PTPRG: variants seen among roughly 807,000 people sequenced by gnomAD.
PTPRG encodes protein tyrosine phosphatase receptor type G.
Under a neutral mutation model 165.3 loss-of-function variants are expected in PTPRG, and 102 were observed. That is an observed-to-expected ratio of 0.62 (90% confidence interval 0.53 to 0.73). The LOEUF (loss-of-function observed/expected upper bound fraction) is 0.73, where lower values mean the gene tolerates loss of function less well. Ranked by LOEUF, PTPRG falls within the 30% of genes least tolerant of loss-of-function variation. PTPRG has a pLI of 0.00. For synonymous variants in PTPRG, 675 were observed against 669.5 expected, an observed-to-expected ratio of 1.01 and a Z score of -0.13; for missense variants, 1,866 against 1,861.4, an observed-to-expected ratio of 1.00 and a Z score of -0.05.
intron 2 of PTPRG, among the ~76,000 whole-genome samples, chr3:61,942,445 C>T (rs1468693751): frequency 6.6e-6 from 1 of 152,226 alleles, no homozygotes; most frequent in African/African-American, 2.4e-5. Flanking sequence ...GAGTGTACCC[C>T]ATGGCCCTTT....
intron 3 of PTPRG, among the ~76,000 whole-genome samples, chr3:61,993,589 A>G (rs2040950619): frequency 6.6e-6 from 1 of 152,172 alleles, no homozygotes; most frequent in South Asian, 2.1e-4. Flanking sequence ...TCTGTGCATT[A>G]TTTCTTACAA....
chr3:62,241,377 T>G (rs1355597836), intron 14 of PTPRG, among the ~76,000 whole-genome samples: 2 of 152,116 alleles, frequency 1.3e-5, no homozygotes, highest in Non-Finnish European at 2.9e-5. Context: ...TATATTTGTG[T>G]GGGAGGCAAG....
At chr3:62,101,255 A>G (rs939040194) in intron 5 of PTPRG, among the ~76,000 whole-genome samples, 4 of 152,300 alleles carry the variant, frequency 2.6e-5, no homozygotes, top group African/African-American at 9.6e-5. Context: ...CAGCAATTCT[A>G]TTGCATCACG....
At chr3:61,715,776 C>T (rs542482768) in intron 1 of PTPRG, among the ~76,000 whole-genome samples, 2 of 151,796 alleles carry the variant, frequency 1.3e-5, no homozygotes, top group African/African-American at 4.8e-5. Context: ...TAAAAGACAA[C>T]GATGATGACA....
chr3:61,911,443 G>A lies in PTPRG; in HGVS notation c.191-78182G>A, dbSNP rs561713388. On this transcript the variant is annotated intron_variant, in intron 2 of 29. Coordinates refer to ENST00000474889, the MANE Select transcript of PTPRG (RefSeq NM_002841.4). ...ATATTTGAACCTATTTTTCCATTTG[G>A]GACTACTTTTGATTCTGCTTTTCAC... Among the ~76,000 whole-genome samples the A allele has an allele frequency of 7.2e-4, 109 of 151,972 alleles. 1 individual carries two copies. Among genetic ancestry groups the A allele is most frequent in the African/African-American group, 2.4e-3 (101 of 41,448 alleles).
intron 1 of PTPRG, among the ~76,000 whole-genome samples, chr3:61,706,617 C>T (rs2031272423): frequency 6.6e-6 from 1 of 151,924 alleles, no homozygotes; most frequent in South Asian, 2.1e-4. Flanking sequence ...CCTCAGCCTC[C>T]CGAGTAGCTG....
intron 1 of PTPRG, among the ~76,000 whole-genome samples, chr3:61,734,695 C>T (rs980476502): frequency 1.3e-5 from 2 of 152,048 alleles, no homozygotes; most frequent in East Asian, 1.9e-4. Flanking sequence ...GACTCTTCAA[C>T]GTTAGTGTAT....
chr3:61,593,613 T>A (rs1700627268), intron 1 of PTPRG, among the ~76,000 whole-genome samples: 1 of 152,008 alleles, frequency 6.6e-6, no homozygotes, highest in African/African-American at 2.4e-5. Context: ...CAGTTGCATT[T>A]ACTTATCAGC....
chr3:62,077,621 A>G (rs1478444842), intron 4 of PTPRG, among the ~76,000 whole-genome samples: 1 of 152,194 alleles, frequency 6.6e-6, no homozygotes. Flanking sequence ...TTTGGGTGGC[A>G]TGAATGCATT....
intron 1 of PTPRG, among the ~76,000 whole-genome samples, chr3:61,644,996 T>G (rs1702162805): frequency 6.6e-6 from 1 of 152,226 alleles, no homozygotes; most frequent in Admixed American, 6.5e-5. Context: ...ATTAGCTTCA[T>G]AAATGCACAC....
chr3:61,706,214 A>G (rs940602893), intron 1 of PTPRG, among the ~76,000 whole-genome samples: 2 of 152,178 alleles, frequency 1.3e-5, no homozygotes, highest in Non-Finnish European at 1.5e-5. Flanking sequence ...GGGGGGAAAA[A>G]AAAAAGAACC....
chr3:61,765,195 C>G (rs1220817024), intron 2 of PTPRG, among the ~76,000 whole-genome samples: 2 of 152,146 alleles, frequency 1.3e-5, no homozygotes, highest in Admixed American at 1.3e-4. Context: ...TCATGGTGTT[C>G]AATCATCTTT....
At chr3:61,810,006 TG>T (rs2035526938) in intron 2 of PTPRG, among the ~76,000 whole-genome samples, 1 of 152,096 alleles carries the variant, frequency 6.6e-6, no homozygotes, top group South Asian at 2.1e-4. Context: ...ATAGCTGCAA[TG>T]GGGGGCTGGG....
intron 5 of PTPRG, among the ~76,000 whole-genome samples, chr3:62,092,172 G>A (rs1701959767): frequency 1.3e-5 from 2 of 150,160 alleles, no homozygotes; most frequent in Admixed American, 1.3e-4. Context: ...GGGTCCAGCT[G>A]CACATGCCTA....
intron 1 of PTPRG, among the ~76,000 whole-genome samples, chr3:61,642,616 T>C (rs535134264): frequency 6.6e-6 from 1 of 151,788 alleles, no homozygotes; most frequent in South Asian, 2.1e-4. Context: ...GGACATTGAC[T>C]CAAGTTTGTC....
intron 1 of PTPRG, among the ~76,000 whole-genome samples, chr3:61,703,600 T>G (rs1359436846): frequency 6.6e-6 from 1 of 152,204 alleles, no homozygotes; most frequent in African/African-American, 2.4e-5. Flanking sequence ...GCCACTTAGT[T>G]TCTCCTGCCT....
At chr3:61,813,682 A>G (rs890918448) in intron 2 of PTPRG, among the ~76,000 whole-genome samples, 2 of 151,146 alleles carry the variant, frequency 1.3e-5, no homozygotes, top group African/African-American at 4.9e-5. Flanking sequence ...AACTTATTGA[A>G]TGTATACTAT....
chr3:61,893,532 C>T (rs1009290158), intron 2 of PTPRG, among the ~76,000 whole-genome samples: 8 of 152,206 alleles, frequency 5.3e-5, no homozygotes, highest in East Asian at 1.9e-4. Flanking sequence ...ACCGCTATGG[C>T]GCAGCTGCCT....
intron 5 of PTPRG, chr3:62,118,556 C>G (rs1392429314): frequency 6.6e-6 from 1 of 152,180 alleles, no homozygotes; most frequent in Non-Finnish European, 1.5e-5. Context: ...TAGAAACTTG[C>G]TTTAGAAGTC....
Sources: gnomAD v4.1 joint callset for allele counts (sites outside exome capture counted in the v4.1 genomes callset) on GRCh38, gnomAD v4.1.1 for gene constraint, MANE v1.5 for transcripts, NCBI Gene and HGNC (gene_info 2026-07-23, HGNC 2026-07-21) for gene names.